ETV2: variants seen among roughly 807,000 people sequenced by gnomAD.
ETV2 encodes ETS translocation variant 2.
ETV2 carries 34 observed loss-of-function variants against 35.7 expected under a neutral mutation model. The ratio of observed to expected loss-of-function variants is 0.95; its 90% confidence interval spans 0.72 to 1.27. The LOEUF is 1.27. Ranked by LOEUF, ETV2 falls within the 50% of genes most tolerant of loss-of-function variation. ETV2 has a pLI of 0.00. For synonymous variants in ETV2, 207 were observed against 203.9 expected (o/e 1.02, Z -0.13); for missense variants, 512 against 470.5 (o/e 1.09, Z -0.82).
chr19:35,643,414 G>A lies in ETV2; in HGVS notation c.376G>A (p.Gly126Ser). Residue 126 changes from glycine (G) to serine (S), a missense_variant, in exon 5 of 7, where the codon GGC becomes AGC. Gly to Ser is a moderately conservative substitution (Grantham distance 56). Coordinates refer to ENST00000402764, the MANE Select transcript of ETV2 (RefSeq NM_014209.4). This position sits in a 1 kb window ranked among gnomAD's most constrained non-coding sequence, Gnocchi z 5.0. ...PGPIPAAGSE[G>S]AAGQNCVPVA... ...CCCCATCCCCGCCGCCGGCTCCGAA[G>A]GCGCCGCGGGCCAGAACTGCGTCCC... is the stretch of plus-strand genomic sequence containing the variant. The A allele has an allele frequency of 6.5e-7, 1 of 1,543,480 alleles. No homozygotes were observed. The highest frequency in any genetic ancestry group is 2.5e-5 in the East Asian group (1 of 40,536).
At position 35,643,348 on chromosome 19, in the gene ETV2, G is replaced by A; in HGVS notation, c.310G>A (p.Gly104Ser). The A allele has an allele frequency of 3.8e-6, 6 of 1,592,458 alleles. No homozygotes were observed. Among genetic ancestry groups the A allele is most frequent in the East Asian group, 2.3e-5 (1 of 43,866 alleles). ...GTGCACAGCCTGGGACTCTTGGAGC[G>A]GCGCCTCGCAGACCCTGGGCCCCGC... ...MACTAWDSWSGASQTLGPAPL... is the reference protein window; with the variant it reads ...MACTAWDSWSSASQTLGPAPL... The change falls in exon 5 of 7, where the codon GGC (glycine) becomes AGC (serine). Residue 104 changes from glycine to serine, a missense_variant. Transcript: ENST00000402764. This position sits in a 1 kb window ranked among gnomAD's most constrained non-coding sequence, Gnocchi z 5.0.
Position 35,643,073 on chromosome 19 carries a change from T to A in ETV2, c.235+28T>A. ...GAGTGTGGGGAGAGGCGGTGGGAGG[T>A]GGGGACTGGGGTCCCGAGGCACCGG... On this transcript the variant is annotated intron_variant, in intron 4 of 6. Coordinates refer to ENST00000402764, the MANE Select transcript of ETV2 (RefSeq NM_014209.4). The surrounding 1 kb of genome is among the most constrained non-coding windows in gnomAD (Gnocchi z 5.0). 1 of 1,421,564 alleles carries A rather than the reference T, an allele frequency of 7.0e-7. No individual in the cohort carries two copies. Among genetic ancestry groups the A allele is most frequent in the Non-Finnish European group, 9.6e-7 (1 of 1,039,462 alleles). 88.1% of individuals were successfully genotyped at this position (1,421,564 alleles called of 1,614,324 possible). A position where few individuals can be genotyped will look rare whatever the true frequency, so the allele number is the denominator to read the frequency against.
chr19:35,643,536 G>C lies in ETV2; in HGVS notation c.498G>C (p.Trp166Cys). The C allele has an allele frequency of 6.4e-7, 1 of 1,552,370 alleles. No homozygotes were observed. The highest frequency in any genetic ancestry group is 8.7e-7 in the Non-Finnish European group (1 of 1,147,842). The change falls in exon 5 of 7, where the codon TGG (tryptophan) becomes TGC (cysteine). Residue 166 changes from tryptophan (W) to cysteine (C), a missense_variant. Trp to Cys is a radical substitution (Grantham distance 215). Coordinates refer to ENST00000402764, the MANE Select transcript of ETV2 (RefSeq NM_014209.4). This position sits in a 1 kb window ranked among gnomAD's most constrained non-coding sequence, Gnocchi z 5.0. ...CSVGPDGDTY[W>C]GSGLGGEPRT... ...TGGGGCCCGACGGCGATACCTACTG[G>C]GGCAGTGGCCTGGGCGGGGAGCCGC...
Position 35,644,281 on chromosome 19 carries a change from G to A in ETV2, c.762G>A (p.Gly254=), listed in dbSNP as rs750006674. 10 of 1,561,940 alleles carry A rather than the reference G, an allele frequency of 6.4e-6. No individual in the cohort carries two copies. The South Asian group carries it at 1.1e-4, about 17-fold the overall frequency. Residue 254 remains glycine, a synonymous_variant, in exon 6 of 7, where the codon GGG becomes GGA. Coordinates refer to ENST00000402764, the MANE Select transcript of ETV2 (RefSeq NM_014209.4). The surrounding 1 kb of genome is among the most constrained non-coding windows in gnomAD (Gnocchi z 4.7). ...TCCTCCTGGAGCTGCTCCACGACGG[G>A]GCGCGTAGCAGCTGCATCCGTTGGA... The part of the protein sequence containing the change: ...WQFLLELLHD[G]ARSSCIRWTG...
rs755304203 is a variant in ETV2, at chr19:35,643,554, G to A, written c.516G>A (p.Gly172=). The change falls in exon 5 of 7, where the codon GGG becomes GGA. Residue 172 remains glycine, a synonymous_variant. Coordinates refer to ENST00000402764, the MANE Select transcript of ETV2 (RefSeq NM_014209.4). This position sits in a 1 kb window ranked among gnomAD's most constrained non-coding sequence, Gnocchi z 5.0. The part of the protein sequence containing the change: ...GDTYWGSGLG[G]EPRTDCTISW... ...CCTACTGGGGCAGTGGCCTGGGCGG[G>A]GAGCCGCGCACGGACTGTACCATTT... The A allele has an allele frequency of 7.1e-6, 11 of 1,558,464 alleles. 1 individual carries two copies. In the South Asian group the frequency reaches 8.2e-5, roughly 12 times the overall value.
Position 35,642,529 on chromosome 19 carries a change from T to C in ETV2, c.69T>C (p.Leu23=), listed in dbSNP as rs1345458346. The change falls in exon 2 of 7, where the codon CTT becomes CTC. Residue 23 remains leucine (L), a splice_region_variant and synonymous_variant. Transcript: ENST00000402764. The surrounding 1 kb of genome is among the most constrained non-coding windows in gnomAD (Gnocchi z 4.4). ...CTCCAGGGAACAAGCTGGCAGGGCTTGGTAGGCTGCCGAGGCTGCCACAAC... is the reference window on the plus strand; with the variant it reads ...CTCCAGGGAACAAGCTGGCAGGGCTCGGTAGGCTGCCGAGGCTGCCACAAC... ...EVPPGNKLAG[L]EGAKLGFCFP... is the part of the protein sequence containing the mutation. 6.2e-7 allele frequency: 1 copy of C among 1,613,518 alleles called. No individual in the cohort carries two copies. The highest frequency in any genetic ancestry group is 8.5e-7 in the Non-Finnish European group (1 of 1,179,708).
chr19:35,643,503 C>A lies in ETV2; in HGVS notation c.465C>A (p.Asp155Glu). 1.3e-6 allele frequency: 2 copies of A among 1,549,926 alleles called. No individual in the cohort carries two copies. The highest frequency in any genetic ancestry group is 1.7e-6 in the Non-Finnish European group (2 of 1,146,590). The change falls in exon 5 of 7, where the codon GAC (aspartate) becomes GAA (glutamate). Residue 155 changes from aspartate to glutamate, a missense_variant. By Grantham distance (45) the Asp-to-Glu change is conservative. Coordinates refer to ENST00000402764, the MANE Select transcript of ETV2 (RefSeq NM_014209.4). The surrounding 1 kb of genome is among the most constrained non-coding windows in gnomAD (Gnocchi z 5.0). ...CCGCCGGGAGCAACACCAGCTGGGACTGTTCTGTGGGGCCCGACGGCGATA... is the reference window on the plus strand; with the variant it reads ...CCGCCGGGAGCAACACCAGCTGGGAATGTTCTGTGGGGCCCGACGGCGATA... ...AQAAGSNTSW[D>E]CSVGPDGDTY... is the part of the protein sequence containing the mutation.
In ETV2 at chr19:35,643,540, A is replaced by G. The variant is rs1007068635; in HGVS notation, c.502A>G (p.Ser168Gly). ...VGPDGDTYWG[S>G]GLGGEPRTDC... is the part of the protein sequence containing the mutation. ...GCCCGACGGCGATACCTACTGGGGC[A>G]GTGGCCTGGGCGGGGAGCCGCGCAC... is the stretch of plus-strand genomic sequence containing the variant. Residue 168 changes from serine to glycine, a missense_variant, in exon 5 of 7, where the codon AGT becomes GGT. Coordinates refer to ENST00000402764, the MANE Select transcript of ETV2 (RefSeq NM_014209.4). The surrounding 1 kb of genome is among the most constrained non-coding windows in gnomAD (Gnocchi z 5.0). 1 of 1,553,060 alleles carries G rather than the reference A, an allele frequency of 6.4e-7. No homozygotes were observed. The highest frequency in any genetic ancestry group is 8.7e-7 in the Non-Finnish European group (1 of 1,148,260).
At position 35,644,652 on chromosome 19, in the gene ETV2, G is replaced by T; in HGVS notation, c.829G>T (p.Val277Leu). The part of the protein sequence containing the change: ...REFQLCDPKE[V>L]ARLWGERKRK... ...CCGACCGAGCGGGCCTCTGTCCTAG[G>T]TGGCTCGGCTGTGGGGCGAGCGCAA... is the stretch of plus-strand genomic sequence containing the variant. The change falls in exon 7 of 7, where the codon GTG becomes TTG. Residue 277 changes from valine (V) to leucine (L), a missense_variant and splice_region_variant. Val to Leu is a conservative substitution (Grantham distance 32). Transcript: ENST00000402764. The surrounding 1 kb of genome is among the most constrained non-coding windows in gnomAD (Gnocchi z 4.7). 1 of 1,606,496 alleles carries T rather than the reference G, an allele frequency of 6.2e-7. No homozygotes were observed. The highest frequency in any genetic ancestry group is 1.1e-5 in the South Asian group (1 of 90,090).
chr19:35,642,945 A>G lies in ETV2; in HGVS notation c.155-20A>G. 1 of 1,494,804 alleles carries G rather than the reference A, an allele frequency of 6.7e-7. No individual in the cohort carries two copies. Among genetic ancestry groups the G allele is most frequent in the Non-Finnish European group, 9.2e-7 (1 of 1,091,432 alleles). 92.6% of individuals were successfully genotyped at this position (1,494,804 alleles called of 1,614,324 possible). A position where few individuals can be genotyped will look rare whatever the true frequency, so the allele number is the denominator to read the frequency against. The stretch of plus-strand genomic sequence containing the variant: ...AGTTGAGGGGTCTCTTTCATTGCTC[A>G]CAGTCCTCCCTAAACTCAGGTACAA... On this transcript the variant is annotated intron_variant, in intron 3 of 6. Transcript: ENST00000402764. This position sits in a 1 kb window ranked among gnomAD's most constrained non-coding sequence, Gnocchi z 4.4.
chr19:35,644,777 C>G lies in ETV2; in HGVS notation c.954C>G (p.Tyr318Ter). ...VRKSGGRKYT[Y>*]RFGGRVPSLA... ...AGAGCGGGGGGCGAAAGTACACGTA[C>G]CGCTTCGGGGGCCGCGTGCCCAGCC... Residue 318 changes from tyrosine to a stop codon, truncating the protein, a stop_gained, in exon 7 of 7, where the codon TAC becomes TAG. Transcript: ENST00000402764. LOFTEE classifies it low-confidence loss of function (END_TRUNC). This position sits in a 1 kb window ranked among gnomAD's most constrained non-coding sequence, Gnocchi z 4.7. 6.2e-7 allele frequency: 1 copy of G among 1,612,212 alleles called. No homozygotes were observed. Among genetic ancestry groups the G allele is most frequent in the Non-Finnish European group, 8.5e-7 (1 of 1,179,236 alleles).
At position 35,644,713 on chromosome 19, in the gene ETV2, G is replaced by A. The variant is rs1419829490; in HGVS notation, c.890G>A (p.Arg297Gln). ...GGCATGAATTACGAGAAGCTGAGCC[G>A]GGGCCTTCGCTACTACTATCGCCGC... Reference protein sequence around the residue: ...KPGMNYEKLSRGLRYYYRRDI... With the variant: ...KPGMNYEKLSQGLRYYYRRDI... Residue 297 changes from arginine to glutamine, a missense_variant, in exon 7 of 7, where the codon CGG (arginine) becomes CAG (glutamine). Physicochemically the swap from Arg to Gln is conservative, Grantham distance 43. Coordinates refer to ENST00000402764, the MANE Select transcript of ETV2 (RefSeq NM_014209.4). The surrounding 1 kb of genome is among the most constrained non-coding windows in gnomAD (Gnocchi z 4.7). The A allele has an allele frequency of 1.2e-6, 2 of 1,604,880 alleles. No homozygotes were observed. The highest frequency in any genetic ancestry group is 2.2e-5 in the East Asian group (1 of 44,804).
chr19:35,644,116 G>C lies in ETV2; in HGVS notation c.716-119G>C. The C allele has an allele frequency of 1.4e-6, 1 of 733,886 alleles. No individual in the cohort carries two copies. The allele number at this position is 733,886 out of a possible 1,614,324, so 45.5% of individuals were successfully genotyped here. A position where few individuals can be genotyped will look rare whatever the true frequency, so the allele number is the denominator to read the frequency against. On this transcript the variant is annotated intron_variant, in intron 5 of 6. Transcript: ENST00000402764. The surrounding 1 kb of genome is among the most constrained non-coding windows in gnomAD (Gnocchi z 4.7). The stretch of plus-strand genomic sequence containing the variant: ...TGACTGTTGGATCTCAGAGAAGGGG[G>C]GGCGGATCCCCTTCTCGGGTCCTGG...
At position 35,642,591 on chromosome 19, in the gene ETV2, A is replaced by C; in HGVS notation, c.71-24A>C. The C allele has an allele frequency of 6.2e-7, 1 of 1,612,128 alleles. No individual in the cohort carries two copies. The highest frequency in any genetic ancestry group is 8.5e-7 in the Non-Finnish European group (1 of 1,179,168). ...GGGTGTCCAGGTGGGGCCTCTGCTG[A>C]CCCTAACCCCTTATCGCCTGCAGAA... On this transcript the variant is annotated intron_variant, in intron 2 of 6. Coordinates refer to ENST00000402764, the MANE Select transcript of ETV2 (RefSeq NM_014209.4). The surrounding 1 kb of genome is among the most constrained non-coding windows in gnomAD (Gnocchi z 4.4).
rs1405480384 is a variant in ETV2 at position 35,643,772 on chromosome 19, C to A, written c.715+19C>A. 1 of 1,612,756 alleles carries A rather than the reference C, an allele frequency of 6.2e-7. No homozygotes were observed. Among genetic ancestry groups the A allele is most frequent in the African/African-American group, 1.3e-5 (1 of 74,872 alleles). ...CACCGAGGTGAGAGGGCCGCAAAGA[C>A]TGCGGGGAGGGCGAAGCTGGAGTCC... On this transcript the variant is annotated intron_variant, in intron 5 of 6. Transcript: ENST00000402764. The surrounding 1 kb of genome is among the most constrained non-coding windows in gnomAD (Gnocchi z 5.0).
In ETV2 at chr19:35,644,187, T is replaced by G; in HGVS notation, c.716-48T>G. 37 of 1,277,170 alleles carry G rather than the reference T, an allele frequency of 2.9e-5. No individual in the cohort carries two copies. Among genetic ancestry groups the G allele is most frequent in the Non-Finnish European group, 3.8e-5 (34 of 897,980 alleles). 79.1% of individuals were successfully genotyped at this position (1,277,170 alleles called of 1,614,324 possible). A position where few individuals can be genotyped will look rare whatever the true frequency, so the allele number is the denominator to read the frequency against. On this transcript the variant is annotated intron_variant, in intron 5 of 6. Coordinates refer to ENST00000402764, the MANE Select transcript of ETV2 (RefSeq NM_014209.4). This position sits in a 1 kb window ranked among gnomAD's most constrained non-coding sequence, Gnocchi z 4.7. Reference sequence around the variant, plus strand: ...GGACCTCTAGATCATTGAAGTGGTGTGATCTAGGGCCGGGAAGACTGAGTG... The same window carrying G: ...GGACCTCTAGATCATTGAAGTGGTGGGATCTAGGGCCGGGAAGACTGAGTG...
Position 35,644,370 on chromosome 19 carries a change from C to G in ETV2, c.828+23C>G. The G allele has an allele frequency of 7.4e-7, 1 of 1,351,882 alleles. No individual in the cohort carries two copies. Among genetic ancestry groups the G allele is most frequent in the Non-Finnish European group, 9.8e-7 (1 of 1,019,290 alleles). 83.7% of individuals were successfully genotyped at this position (1,351,882 alleles called of 1,614,324 possible). ...GAGGTGGGGCAGCTCCCCTGCCCAG[C>G]CAAATCCGCCCCGTCTCTTCTAGTT... On this transcript the variant is annotated intron_variant, in intron 6 of 6. Transcript: ENST00000402764. The surrounding 1 kb of genome is among the most constrained non-coding windows in gnomAD (Gnocchi z 4.7).
rs985028618 is a variant in ETV2, at chr19:35,643,803, C to T, written c.715+50C>T. 7.5e-6 allele frequency: 12 copies of T among 1,608,870 alleles called. No individual in the cohort carries two copies. The highest frequency in any genetic ancestry group is 1.1e-5 in the South Asian group (1 of 90,826). The stretch of plus-strand genomic sequence containing the variant: ...GGAGGGCGAAGCTGGAGTCCTGAGC[C>T]GGGACCCAGGCACCTAAGGGGGCGG... On this transcript the variant is annotated intron_variant, in intron 5 of 6. Coordinates refer to ENST00000402764, the MANE Select transcript of ETV2 (RefSeq NM_014209.4). The surrounding 1 kb of genome is among the most constrained non-coding windows in gnomAD (Gnocchi z 5.0).
chr19:35,644,475 C>A lies in ETV2; in HGVS notation c.828+128C>A. ...CTCCCCGGCCCACTCGAGGCCCCGCCCAACCCTTCTCAAACCCAATCTCCC... is the reference window on the plus strand; with the variant it reads ...CTCCCCGGCCCACTCGAGGCCCCGCACAACCCTTCTCAAACCCAATCTCCC... On this transcript the variant is annotated intron_variant, in intron 6 of 6. Coordinates refer to ENST00000402764, the MANE Select transcript of ETV2 (RefSeq NM_014209.4). This position sits in a 1 kb window ranked among gnomAD's most constrained non-coding sequence, Gnocchi z 4.7. 1.1e-6 allele frequency: 1 copy of A among 915,080 alleles called. No individual in the cohort carries two copies. The highest frequency in any genetic ancestry group is 1.6e-5 in the South Asian group (1 of 62,328). The allele number at this position is 915,080 out of a possible 1,614,324, so 56.7% of individuals were successfully genotyped here. A position where few individuals can be genotyped will look rare whatever the true frequency, so the allele number is the denominator to read the frequency against.
Sources: gnomAD v4.1 joint callset for allele counts on GRCh38, gnomAD v4.1.1 for gene constraint, Gnocchi (gnomAD v3.1) non-coding constraint, MANE v1.5 for transcripts, NCBI Gene and HGNC (gene_info 2026-07-23, HGNC 2026-07-21) for gene names.